Variants in HRG observed in about 807,000 individuals in gnomAD.
The protein encoded by HRG is histidine-rich glycoprotein.
In HRG, 26 loss-of-function variants were observed where a neutral mutation model predicts 29.5. The ratio of observed to expected loss-of-function variants is 0.88; its 90% CI spans 0.65 to 1.22. The LOEUF (loss-of-function observed/expected upper bound fraction) is 1.22, where lower values mean the gene tolerates loss of function less well. Among genes scored for constraint, HRG ranks in the 50% most tolerant of loss-of-function variants. The pLI is 0.00. For synonymous variants in HRG, 243 were observed against 240.4 expected, an observed-to-expected ratio of 1.01 and a Z score of -0.10; for missense variants, 671 against 654.5, an observed-to-expected ratio of 1.03 and a Z score of -0.28.
Position 186,668,993 on chromosome 3 carries a change from T to C in HRG, c.242T>C (p.Leu81Pro), listed in dbSNP as rs1718700001. The stretch of plus-strand genomic sequence containing the variant: ...GTGCAAGAATCGGACTGTTCGGTCC[T>C]ATCCAGGAAATACTGGAATGACTGT... ...LDVQESDCSV[L>P]SRKYWNDCEP... The change falls in exon 2 of 7, where the codon CTA becomes CCA. Residue 81 changes from leucine (L) to proline (P), a missense_variant. Coordinates refer to ENST00000232003, the MANE Select transcript of HRG (RefSeq NM_000412.5). 5 of 1,612,964 alleles carry C rather than the reference T, an allele frequency of 3.1e-6. No homozygotes were observed. The African/African-American group carries it at 5.3e-5, about 17-fold the overall frequency.
At chr3:186,668,825 T>C (rs1238133084) in intron 1 of HRG, 110 bp from the exon 2 acceptor site, 56 of 706,398 alleles carry the variant, frequency 7.9e-5, no homozygotes, top group African/African-American at 7.2e-5. Context: ...GCAAAGACAG[T>C]GAGAGGAACA....
chr3:186,666,363 T>G (rs1035646076), intron 1 of HRG, 149 bp downstream of exon 1: 2 of 755,698 alleles, frequency 2.6e-6, no homozygotes, highest in African/African-American at 1.7e-5. Flanking sequence ...ATTGTTCTTT[T>G]TTCCTTCAAA....
At chr3:186,668,803 G>T in intron 1 of HRG, 132 bp from the exon 2 acceptor site, 1 of 669,560 alleles carries the variant, frequency 1.5e-6, no homozygotes, top group Non-Finnish European at 2.7e-6. Flanking sequence ...ATGACGCAAA[G>T]GTAGAGCATC....
At chr3:186,673,795 T>C (rs1264246820) in intron 5 of HRG, 7 of 152,166 alleles carry the variant, frequency 4.6e-5, no homozygotes, top group Non-Finnish European at 1.0e-4. Context: ...ATTTTTCCTC[T>C]AATCATTTAC....
At chr3:186,671,085 G>A (rs1298538968) in intron 3 of HRG, among the ~76,000 whole-genome samples, 1 of 151,290 alleles carries the variant, frequency 6.6e-6, no homozygotes, top group Non-Finnish European at 1.5e-5. Context: ...CTGGTGCGGT[G>A]GCTCACATCT....
At chr3:186,670,260 T>A (rs1439772508) in intron 3 of HRG, among the ~76,000 whole-genome samples, 1 of 152,140 alleles carries the variant, frequency 6.6e-6, no homozygotes, top group African/African-American at 2.4e-5. Context: ...TTAAAGAAAT[T>A]CAACACATAA....
rs1718808292 is a variant in HRG, at chr3:186,671,849, G to A, written c.558+60G>A. On this transcript the variant is annotated intron_variant, in intron 4 of 6. Transcript: ENST00000232003. The stretch of plus-strand genomic sequence containing the variant: ...GGCCCAGGCTCCAACCTGGCAGCAG[G>A]AACTGAATGGCATACCCTCTCCACC... 2.8e-6 allele frequency: 4 copies of A among 1,417,858 alleles called. No homozygotes were observed. In the South Asian group the frequency reaches 3.5e-5, roughly 12 times the overall value. The allele number at this position is 1,417,858 out of a possible 1,614,324, so 87.8% of individuals were successfully genotyped here. A position where few individuals can be genotyped will look rare whatever the true frequency, so the allele number is the denominator to read the frequency against.
At chr3:186,671,401 G>A (rs552715651) in intron 3 of HRG, among the ~76,000 whole-genome samples, 2 of 151,604 alleles carry the variant, frequency 1.3e-5, no homozygotes, top group African/African-American at 4.8e-5. Flanking sequence ...AAGGCATCAT[G>A]AGTAGGGGTC....
intron 5 of HRG, 183 bp downstream of exon 5, chr3:186,673,050 C>A: frequency 3.0e-6 from 2 of 659,652 alleles, no homozygotes; most frequent in Non-Finnish European, 2.7e-6. Context: ...ATCTGGGAAG[C>A]ACTTAGTACC....
At chr3:186,671,873 C>A (rs1718809314) in intron 4 of HRG, 84 bp downstream of exon 4, 3 of 1,160,774 alleles carry the variant, frequency 2.6e-6, no homozygotes, top group Non-Finnish European at 3.9e-6. Context: ...ACCCTCTCCA[C>A]CTGCCTCAAT....
At chr3:186,668,329 T>C (rs747409275) in intron 1 of HRG, among the ~76,000 whole-genome samples, 1 of 151,986 alleles carries the variant, frequency 6.6e-6, no homozygotes, top group Non-Finnish European at 1.5e-5. Context: ...GACTGAGGAA[T>C]AGACATGAGA....
At chr3:186,673,104 T>C (rs1718857833) in intron 5 of HRG, 1 of 571,688 alleles carries the variant, frequency 1.7e-6, no homozygotes, top group Non-Finnish European at 3.1e-6. Flanking sequence ...GATAACTTAT[T>C]GTTTTGTTTT....
At position 186,670,030 on chromosome 3, in the gene HRG, T is replaced by C. The variant is rs1445701469; in HGVS notation, c.391+2T>C. Reference sequence around the variant, plus strand: ...ACTTTAACTGCACCACAAGTTCTGGTATGGTAATCTGTTAAATTGCTAATT... The same window carrying C: ...ACTTTAACTGCACCACAAGTTCTGGCATGGTAATCTGTTAAATTGCTAATT... On this transcript the variant is annotated splice_donor_variant, in intron 3 of 6. Coordinates refer to ENST00000232003, the MANE Select transcript of HRG (RefSeq NM_000412.5). LOFTEE classifies it high-confidence loss of function. 6.9e-7 allele frequency: 1 copy of C among 1,452,064 alleles called. No individual in the cohort carries two copies. The highest frequency in any genetic ancestry group is 1.7e-5 in the Admixed American group (1 of 59,822). The allele number at this position is 1,452,064 out of a possible 1,614,324, so 89.9% of individuals were successfully genotyped here.
At chr3:186,674,980 G>A (rs1364523646) in intron 5 of HRG, 109 bp from the exon 6 acceptor site, 2 of 784,988 alleles carry the variant, frequency 2.5e-6, no homozygotes, top group African/African-American at 3.4e-5. Context: ...ATATTACCCT[G>A]ATTTTTCTAA....
intron 1 of HRG, among the ~76,000 whole-genome samples, chr3:186,668,453 T>C (rs1391811041): frequency 1.3e-5 from 2 of 152,152 alleles, no homozygotes; most frequent in Non-Finnish European, 2.9e-5. Flanking sequence ...AATATGTTGT[T>C]AGTGGTGCCA....
chr3:186,676,537 A>G (rs60531302), intron 6 of HRG, among the ~76,000 whole-genome samples: 85,669 of 151,448 alleles, frequency 0.57, 25,039 homozygotes, highest in East Asian at 0.8. Flanking sequence ...CACTTTGGGA[A>G]GCTGAGATGG....
At chr3:186,675,835 G>T (rs1249419402) in intron 6 of HRG, among the ~76,000 whole-genome samples, 2 of 149,908 alleles carry the variant, frequency 1.3e-5, no homozygotes, top group Middle Eastern at 3.5e-3. Flanking sequence ...GGAACAAAGG[G>T]CAGGATTGTC....
intron 4 of HRG, 59 bp from the exon 5 acceptor site, chr3:186,672,728 G>A: frequency 8.9e-7 from 1 of 1,118,882 alleles, no homozygotes; most frequent in Non-Finnish European, 1.4e-6. Flanking sequence ...GTTATCTACT[G>A]CTTTTTTTTC....
At chr3:186,669,550 G>A in intron 2 of HRG, 1 of 358,388 alleles carries the variant, frequency 2.8e-6, no homozygotes, top group South Asian at 2.4e-5. Context: ...TTTGCATGTG[G>A]GAGGTGGGTA....
Sources: gnomAD v4.1 joint callset for allele counts (sites outside exome capture counted in the v4.1 genomes callset) on GRCh38, gnomAD v4.1.1 for gene constraint, MANE v1.5 for transcripts, NCBI Gene and HGNC (gene_info 2026-07-23, HGNC 2026-07-21) for gene names.